CLIC2: variants seen among roughly 807,000 people sequenced by gnomAD.
CLIC2 encodes the protein CLIC family member 2.
Under a neutral mutation model 14.8 loss-of-function variants are expected in CLIC2, and 9 were observed. The ratio of observed to expected loss-of-function variants is 0.61; its 90% confidence interval spans 0.37 to 1.06. The LOEUF (loss-of-function observed/expected upper bound fraction) is 1.06, where lower values mean the gene tolerates loss of function less well. Among genes scored for constraint, CLIC2 ranks in the 50% least tolerant of loss-of-function variants. CLIC2 has a pLI of 0.01. For missense variants in CLIC2, 148 were observed against 181.4 expected (o/e 0.82, Z 1.06); for synonymous variants, 61 against 66.3 (o/e 0.92, Z 0.39).
intron 1 of CLIC2, among the ~76,000 whole-genome samples, chrX:155,312,835 T>C (rs1039916447): frequency 1.8e-4 from 20 of 111,392 alleles, no homozygotes; most frequent in Non-Finnish European, 3.2e-4. Context: ...GATGAAGGCC[T>C]AATATCCAGC....
At chrX:155,313,862 T>C (rs2075083911) in intron 1 of CLIC2, among the ~76,000 whole-genome samples, 1 of 111,963 alleles carries the variant, frequency 8.9e-6, no homozygotes, top group African/African-American at 3.2e-5. Context: ...GGAGTAAGAC[T>C]GGCCTTTAGG....
chrX:155,299,801 C>T (rs1419476867), intron 1 of CLIC2, among the ~76,000 whole-genome samples: 2 of 94,990 alleles, frequency 2.1e-5, no homozygotes, highest in Non-Finnish European at 2.1e-5. Flanking sequence ...TGTTCAATTC[C>T]CACCTATGAG....
chrX:155,318,413 T>C (rs2075102079), intron 1 of CLIC2, among the ~76,000 whole-genome samples: 1 of 111,779 alleles, frequency 8.9e-6, no homozygotes, highest in Non-Finnish European at 1.9e-5. Flanking sequence ...ATACCAATAG[T>C]GACCAAGCTG....
chrX:155,306,730 TGAGAGA>T (rs782017264), intron 1 of CLIC2, among the ~76,000 whole-genome samples: 5 of 103,947 alleles, frequency 4.8e-5, no homozygotes, highest in African/African-American at 1.4e-4. Context: ...AAAGCAGGAG[TGAGAGA>T]GAGAGAGAGA....
At chrX:155,312,135 G>A (rs1557320662) in intron 1 of CLIC2, among the ~76,000 whole-genome samples, 1 of 112,144 alleles carries the variant, frequency 8.9e-6, no homozygotes, top group Non-Finnish European at 1.9e-5. Context: ...TGTGTTGATA[G>A]TTTCTTTTGC....
chrX:155,291,467 ATAGTTTGACTTTCTATGTTCC>A, intron 3 of CLIC2: 1 of 402,565 alleles, frequency 2.5e-6, no homozygotes, highest in Admixed American at 3.9e-5. Flanking sequence ...GCAAACAGGG[ATAGTTTGACTTTCTATGTTCC>A]TATTTAGATG....
chrX:155,291,979 G>T (rs782780729), intron 3 of CLIC2, among the ~76,000 whole-genome samples: 1 of 112,186 alleles, frequency 8.9e-6, no homozygotes, highest in Non-Finnish European at 1.9e-5. Flanking sequence ...CCCCCGGAGC[G>T]CAGTCCTCGA....
intron 1 of CLIC2, among the ~76,000 whole-genome samples, chrX:155,326,427 TA>T (rs1352136860): frequency 1.8e-5 from 2 of 111,410 alleles, no homozygotes; most frequent in Non-Finnish European, 3.8e-5. Context: ...ATAGTTAAGA[TA>T]ATAATAGTGA....
chrX:155,329,843 G>A (rs1253617407), intron 1 of CLIC2, among the ~76,000 whole-genome samples: 2 of 111,098 alleles, frequency 1.8e-5, no homozygotes, highest in Non-Finnish European at 3.8e-5. Context: ...ACACAGCAGA[G>A]TACTATTCAA....
At chrX:155,291,682 A>G (rs1557317621) in intron 3 of CLIC2, among the ~76,000 whole-genome samples, 4 of 111,963 alleles carry the variant, frequency 3.6e-5, no homozygotes, top group Non-Finnish European at 7.5e-5. Flanking sequence ...TTCACAGGAG[A>G]ACAAAACCAA....
chrX:155,328,370 T>G (rs1000986289), intron 1 of CLIC2, among the ~76,000 whole-genome samples: 3 of 110,289 alleles, frequency 2.7e-5, no homozygotes, highest in African/African-American at 9.9e-5. Context: ...CAGTGAACAA[T>G]GTGAAAAAAA....
At chrX:155,328,220 TTACCTTGTTTGCAGATGA>T (rs2075145142) in intron 1 of CLIC2, among the ~76,000 whole-genome samples, 1 of 111,134 alleles carries the variant, frequency 9.0e-6, no homozygotes, top group African/African-American at 3.3e-5. Context: ...GGAAGTCAAA[TTACCTTGTTTGCAGATGA>T]TATGATCTTA....
At chrX:155,299,830 G>C (rs1557318820) in intron 1 of CLIC2, among the ~76,000 whole-genome samples, 1 of 100,106 alleles carries the variant, frequency 1.0e-5, no homozygotes, top group Non-Finnish European at 2.0e-5. Context: ...TGCGGTGTTT[G>C]GTTTTTTGTT....
rs782344238 is a variant in CLIC2, at chrX:155,277,761, T to C, written c.*142A>G. 11 of 516,734 alleles carry C rather than the reference T, an allele frequency of 2.1e-5. No homozygotes were observed. Among genetic ancestry groups the C allele is most frequent in the Non-Finnish European group, 3.5e-5 (11 of 310,431 alleles). 42.6% of individuals were successfully genotyped at this position (516,734 alleles called of 1,213,427 possible). A position where few individuals can be genotyped will look rare whatever the true frequency, so the allele number is the denominator to read the frequency against. On this transcript the variant is annotated 3_prime_UTR_variant, in exon 6 of 6. Coordinates refer to ENST00000369449, the MANE Select transcript of CLIC2 (RefSeq NM_001289.6). ...CAGTGGACAGATTATTTATGGCTAA[T>C]AGAAAATACAGAGTTCCTTTTCATA...
intron 3 of CLIC2, chrX:155,291,223 C>T (rs1245137952): frequency 1.3e-5 from 13 of 970,782 alleles, no homozygotes; most frequent in Admixed American, 2.2e-5. Context: ...GAATCATAAT[C>T]GTTATCCCAG....
At chrX:155,298,580 T>A (rs2075002999) in intron 3 of CLIC2, among the ~76,000 whole-genome samples, 1 of 112,570 alleles carries the variant, frequency 8.9e-6, no homozygotes, top group Non-Finnish European at 1.9e-5. Flanking sequence ...ATGTATGTTA[T>A]GCAGCTTTTA....
intron 3 of CLIC2, among the ~76,000 whole-genome samples, chrX:155,294,493 G>T (rs920441556): frequency 1.8e-5 from 2 of 111,753 alleles, no homozygotes; most frequent in Admixed American, 1.9e-4. Flanking sequence ...ATGTGAAGCT[G>T]CTAGAAAAGC....
At chrX:155,289,237 T>C (rs782022711) in intron 3 of CLIC2, among the ~76,000 whole-genome samples, 12 of 111,573 alleles carry the variant, frequency 1.1e-4, no homozygotes, top group Non-Finnish European at 2.1e-4. Context: ...AAATTACAAA[T>C]CCTGGATCCC....
intron 1 of CLIC2, among the ~76,000 whole-genome samples, chrX:155,318,506 T>C (rs1437698116): frequency 2.7e-5 from 3 of 111,716 alleles, no homozygotes; most frequent in African/African-American, 9.8e-5. Flanking sequence ...TACCTAACCA[T>C]GGAGGTGAAA....
Sources: gnomAD v4.1 joint callset for allele counts (sites outside exome capture counted in the v4.1 genomes callset) on GRCh38, gnomAD v4.1.1 for gene constraint, MANE v1.5 for transcripts, NCBI Gene and HGNC (gene_info 2026-07-23, HGNC 2026-07-21) for gene names.